Variants in DNM3 observed in about 807,000 individuals in gnomAD.
DNM3 encodes dynamin-3.
Under a neutral mutation model 101.6 loss-of-function variants are expected in DNM3, and 47 were observed. That is an observed-to-expected ratio of 0.46 (90% CI 0.37 to 0.59). The LOEUF is 0.59. DNM3 is among the 20% of genes least tolerant of loss of function. The pLI is 0.00. For synonymous variants in DNM3, 385 were observed against 387.9 expected (o/e 0.99, Z 0.09); for missense variants, 849 against 1,085.7 (o/e 0.78, Z 3.06).
intron 2 of DNM3, among the ~76,000 whole-genome samples, chr1:171,922,277 T>C (rs2040239271): frequency 6.6e-6 from 1 of 152,168 alleles, no homozygotes; most frequent in Non-Finnish European, 1.5e-5. Context: ...CTTCTCTCTC[T>C]TACATCATGA....
chr1:172,023,293 C>A (rs533347739), intron 4 of DNM3, among the ~76,000 whole-genome samples: 135 of 152,204 alleles, frequency 8.9e-4, no homozygotes, highest in Non-Finnish European at 1.5e-3. Context: ...ATGTCTTCCT[C>A]TTTATTAGTT....
At chr1:172,393,495 C>G (rs761898211) in intron 20 of DNM3, 3 of 152,604 alleles carry the variant, frequency 2.0e-5, no homozygotes, top group Non-Finnish European at 4.4e-5. Context: ...AAGTCGTGGG[C>G]TAAGGGTACA....
intron 15 of DNM3, among the ~76,000 whole-genome samples, chr1:172,306,692 A>G (rs750598916): frequency 2.5e-4 from 38 of 152,276 alleles, no homozygotes; most frequent in Admixed American, 1.2e-3. Flanking sequence ...ATATAGACCA[A>G]TGGGACAGAA....
intron 4 of DNM3, among the ~76,000 whole-genome samples, chr1:172,005,081 A>C (rs61805852): frequency 0.014 from 2,173 of 152,208 alleles, 33 homozygotes; most frequent in Non-Finnish European, 0.024. Flanking sequence ...ACCACTCTGG[A>C]GCCAAACTGT....
At chr1:171,980,031 A>T (rs758518382) in intron 2 of DNM3, among the ~76,000 whole-genome samples, 2 of 151,930 alleles carry the variant, frequency 1.3e-5, no homozygotes, top group Non-Finnish European at 2.9e-5. Context: ...CTTTTATGAA[A>T]TCTTGGCACC....
At chr1:172,053,987 G>A (rs1177796221) in intron 10 of DNM3, among the ~76,000 whole-genome samples, 2 of 152,116 alleles carry the variant, frequency 1.3e-5, no homozygotes, top group East Asian at 3.8e-4. Flanking sequence ...CTTAAAGGGA[G>A]TGCTATGAAT....
At chr1:171,930,179 C>G (rs1055047376) in intron 2 of DNM3, among the ~76,000 whole-genome samples, 5 of 151,798 alleles carry the variant, frequency 3.3e-5, no homozygotes, top group Non-Finnish European at 5.9e-5. Flanking sequence ...TTTGAACTCT[C>G]CAAAGTCTGA....
At chr1:172,359,236 C>A (rs534102978) in intron 17 of DNM3, among the ~76,000 whole-genome samples, 1 of 151,940 alleles carries the variant, frequency 6.6e-6, no homozygotes, top group East Asian at 1.9e-4. Flanking sequence ...TGGCTTGAGG[C>A]CGCATAGACC....
At chr1:172,117,963 C>G (rs1000094767) in intron 13 of DNM3, among the ~76,000 whole-genome samples, 1 of 152,122 alleles carries the variant, frequency 6.6e-6, no homozygotes, top group African/African-American at 2.4e-5. Context: ...CTCGGGACCT[C>G]AAGACTAAAG....
intron 14 of DNM3, among the ~76,000 whole-genome samples, chr1:172,221,377 C>T (rs2060900841): frequency 6.6e-6 from 1 of 152,028 alleles, no homozygotes; most frequent in Non-Finnish European, 1.5e-5. Flanking sequence ...TCAGTTTCTT[C>T]AACTGTGAAG....
intron 14 of DNM3, among the ~76,000 whole-genome samples, chr1:172,252,697 C>T (rs1156799155): frequency 6.6e-6 from 1 of 152,058 alleles, no homozygotes; most frequent in East Asian, 1.9e-4. Context: ...ATTTGGCTCT[C>T]TCCTACTGGT....
intron 17 of DNM3, among the ~76,000 whole-genome samples, chr1:172,355,086 A>G (rs1410987607): frequency 6.6e-6 from 1 of 152,188 alleles, no homozygotes; most frequent in Admixed American, 6.6e-5. Flanking sequence ...TTACATGCGC[A>G]AGCAGAACCA....
intron 1 of DNM3, among the ~76,000 whole-genome samples, chr1:171,882,691 T>A (rs895453256): frequency 3.3e-5 from 5 of 152,326 alleles, no homozygotes; most frequent in African/African-American, 1.2e-4. Flanking sequence ...AAATTTTTAA[T>A]CTGGAATAAT....
At chr1:172,140,759 C>T (rs77264026) in intron 14 of DNM3, among the ~76,000 whole-genome samples, 6,252 of 151,844 alleles carry the variant, frequency 0.041, 213 homozygotes, top group East Asian at 0.12. Flanking sequence ...ATTCATAAGG[C>T]TTTTGGACAA....
intron 2 of DNM3, among the ~76,000 whole-genome samples, chr1:171,945,393 T>A (rs1273377938): frequency 6.6e-6 from 1 of 152,192 alleles, no homozygotes; most frequent in African/African-American, 2.4e-5. Context: ...AAGTGTTAAA[T>A]CCAGTAAGAT....
rs184500058 is a variant in DNM3, at chr1:172,331,699, A to T, written c.1893+8359A>T. Among the ~76,000 whole-genome samples the T allele has an allele frequency of 7.3e-4, 111 of 152,362 alleles. 1 individual carries two copies. Among genetic ancestry groups the T allele is most frequent in the Non-Finnish European group, 9.6e-4 (65 of 68,036 alleles). On this transcript the variant is annotated intron_variant, in intron 17 of 20. Coordinates refer to ENST00000627582, the MANE Select transcript of DNM3 (RefSeq NM_015569.5). ...AGGCTGATGGCAGTAAAAGCCAGTGACTTAATCTGACTCTAAAGAATAAAC... is the reference window on the plus strand; with the variant it reads ...AGGCTGATGGCAGTAAAAGCCAGTGTCTTAATCTGACTCTAAAGAATAAAC...
chr1:172,020,842 A>G (rs959449608), intron 4 of DNM3, among the ~76,000 whole-genome samples: 1 of 151,294 alleles, frequency 6.6e-6, no homozygotes, highest in African/African-American at 2.4e-5. Flanking sequence ...GCGAGAATTT[A>G]TTTAATCCTC....
At chr1:172,229,993 A>G (rs1388426855) in intron 14 of DNM3, among the ~76,000 whole-genome samples, 1 of 152,062 alleles carries the variant, frequency 6.6e-6, no homozygotes, top group Non-Finnish European at 1.5e-5. Context: ...GCTTTTATTC[A>G]AAGCTCCCTC....
At chr1:172,313,570 C>T (rs1372423377) in intron 16 of DNM3, among the ~76,000 whole-genome samples, 1 of 152,188 alleles carries the variant, frequency 6.6e-6, no homozygotes, top group African/African-American at 2.4e-5. Context: ...GTCAAATCCA[C>T]TCACAGTTGG....
Sources: gnomAD v4.1 joint callset for allele counts (sites outside exome capture counted in the v4.1 genomes callset) on GRCh38, gnomAD v4.1.1 for gene constraint, MANE v1.5 for transcripts, NCBI Gene and HGNC (gene_info 2026-07-23, HGNC 2026-07-21) for gene names.